The following GRID1 variants were observed in gnomAD, a reference collection of about 807,000 sequenced individuals.
GRID1 encodes the protein glutamate ionotropic receptor delta type subunit 1.
Under a neutral mutation model 98.0 loss-of-function variants are expected in GRID1, and 28 were observed. That is an observed-to-expected ratio of 0.29 (90% confidence interval 0.21 to 0.39). The LOEUF (loss-of-function observed/expected upper bound fraction) is 0.39. Among genes scored for constraint, GRID1 ranks in the 10% least tolerant of loss-of-function variants. The probability of loss-of-function intolerance (pLI) is 1.00; values close to 1 mark genes in which losing one functional copy is unlikely to be tolerated. For synonymous variants in GRID1, 553 were observed against 538.5 expected (o/e 1.03, Z -0.37); for missense variants, 1,111 against 1,340.5 (o/e 0.83, Z 2.67).
At chr10:86,015,060 T>C (rs1421746746) in intron 4 of GRID1, among the ~76,000 whole-genome samples, 2 of 152,246 alleles carry the variant, frequency 1.3e-5, no homozygotes, top group South Asian at 2.1e-4. Flanking sequence ...CCTCTCAACA[T>C]GTTACAGCTC....
At chr10:86,359,427 G>A (rs955360329) in intron 2 of GRID1, among the ~76,000 whole-genome samples, 1 of 152,144 alleles carries the variant, frequency 6.6e-6, no homozygotes, top group Non-Finnish European at 1.5e-5. Context: ...AGGAGGTAAC[G>A]GATATAAACT....
At chr10:86,348,374 G>C (rs1439472710) in intron 2 of GRID1, among the ~76,000 whole-genome samples, 1 of 152,244 alleles carries the variant, frequency 6.6e-6, no homozygotes, top group African/African-American at 2.4e-5. Flanking sequence ...GAGCGGCCAG[G>C]AAAGGCCTCC....
intron 2 of GRID1, among the ~76,000 whole-genome samples, chr10:86,342,837 T>G (rs1352645406): frequency 6.6e-6 from 1 of 152,262 alleles, no homozygotes; most frequent in Non-Finnish European, 1.5e-5. Context: ...GGCTGACCAT[T>G]GAAAGGTCTT....
At chr10:86,020,091 G>A (rs557605682) in intron 4 of GRID1, among the ~76,000 whole-genome samples, 137 of 152,322 alleles carry the variant, frequency 9.0e-4, no homozygotes, top group African/African-American at 3.0e-3. Flanking sequence ...CATGTCTCAG[G>A]TGTAATGTCA....
At chr10:86,264,644 C>G in intron 2 of GRID1, 1 of 463,088 alleles carries the variant, frequency 2.2e-6, no homozygotes, top group South Asian at 1.5e-5. Context: ...AGGTTGGGAG[C>G]GAAGTGGTGA....
chr10:86,202,209 C>T (rs930510087), intron 3 of GRID1, among the ~76,000 whole-genome samples: 1 of 152,252 alleles, frequency 6.6e-6, no homozygotes, highest in Admixed American at 6.5e-5. Flanking sequence ...GCCTAACTTC[C>T]AATGCCAGCC....
In GRID1 at chr10:85,613,730, T is replaced by C. The variant is rs970366941; in HGVS notation, c.2361-83A>G. On this transcript the variant is annotated intron_variant, in intron 14 of 15. Transcript: ENST00000327946. Reference sequence around the variant, plus strand: ...GGCCCTGGCCCCTGCCCCACCATGCTGGCCCCACCACAGACAACATTGAGC... The same window carrying C: ...GGCCCTGGCCCCTGCCCCACCATGCCGGCCCCACCACAGACAACATTGAGC... 4 of 1,506,778 alleles carry C rather than the reference T, an allele frequency of 2.7e-6. No individual in the cohort carries two copies. In the African/African-American group the frequency reaches 4.1e-5, roughly 16 times the overall value. 93.3% of individuals were successfully genotyped at this position (1,506,778 alleles called of 1,614,324 possible). A position where few individuals can be genotyped will look rare whatever the true frequency, so the allele number is the denominator to read the frequency against.
intron 12 of GRID1, among the ~76,000 whole-genome samples, chr10:85,665,763 C>T (rs747263673): frequency 2.0e-4 from 30 of 152,172 alleles, no homozygotes; most frequent in Non-Finnish European, 3.5e-4. Flanking sequence ...ACGCCTGCCA[C>T]CCCTGCAACC....
chr10:85,647,118 C>A lies in GRID1; in HGVS notation c.2193+84G>T, dbSNP rs537752879. 46 of 1,046,776 alleles carry A rather than the reference C, an allele frequency of 4.4e-5. No homozygotes were observed. In the South Asian group the frequency reaches 6.1e-4, roughly 14 times the overall value. 64.8% of individuals were successfully genotyped at this position (1,046,776 alleles called of 1,614,324 possible). A position where few individuals can be genotyped will look rare whatever the true frequency, so the allele number is the denominator to read the frequency against. ...TAACAGGGCTGCTCAGAGGCAGATGCCCCTGGAGGTGTCTCCCACCTGGGG... is the reference window on the plus strand; with the variant it reads ...TAACAGGGCTGCTCAGAGGCAGATGACCCTGGAGGTGTCTCCCACCTGGGG... On this transcript the variant is annotated intron_variant, in intron 13 of 15. Transcript: ENST00000327946.
At chr10:86,315,213 C>T (rs915745952) in intron 2 of GRID1, among the ~76,000 whole-genome samples, 1 of 152,182 alleles carries the variant, frequency 6.6e-6, no homozygotes, top group African/African-American at 2.4e-5. Flanking sequence ...AGCACATTGC[C>T]TTGTGGAGAC....
At chr10:86,263,648 G>GT (rs1194081615) in intron 2 of GRID1, among the ~76,000 whole-genome samples, 1 of 152,170 alleles carries the variant, frequency 6.6e-6, no homozygotes, top group East Asian at 1.9e-4. Flanking sequence ...TCTGATGCCT[G>GT]TTTCCCCACC....
intron 4 of GRID1, among the ~76,000 whole-genome samples, chr10:86,101,797 C>T (rs920496440): frequency 6.6e-6 from 1 of 152,196 alleles, no homozygotes; most frequent in East Asian, 1.9e-4. Flanking sequence ...TGCACTATGC[C>T]TGGCTTGGCT....
intron 8 of GRID1, among the ~76,000 whole-genome samples, chr10:85,740,682 T>C (rs1319878599): frequency 6.6e-6 from 1 of 152,124 alleles, no homozygotes; most frequent in African/African-American, 2.4e-5. Context: ...CATGATATCC[T>C]GACCATACCC....
rs141409779 is a variant in GRID1, at chr10:85,810,106, C to T, written c.1233+44390G>A. Reference sequence around the variant, plus strand: ...CCAGTAGCAACTTTGGGCCTCCAACCATGGGATTCCACCATCTTTCCACCC... The same window carrying T: ...CCAGTAGCAACTTTGGGCCTCCAACTATGGGATTCCACCATCTTTCCACCC... On this transcript the variant is annotated intron_variant, in intron 8 of 15. Coordinates refer to ENST00000327946, the MANE Select transcript of GRID1 (RefSeq NM_017551.3). Among the ~76,000 whole-genome samples the T allele has an allele frequency of 1.4e-3, 211 of 150,512 alleles. 1 individual carries two copies. The highest frequency in any genetic ancestry group is 4.8e-3 in the African/African-American group (196 of 40,498).
At chr10:85,926,586 C>T (rs1319801038) in intron 4 of GRID1, among the ~76,000 whole-genome samples, 1 of 152,126 alleles carries the variant, frequency 6.6e-6, no homozygotes, top group African/African-American at 2.4e-5. Flanking sequence ...GAAACAGAAT[C>T]AGAAACCAAA....
At position 86,198,678 on chromosome 10, in the gene GRID1, G is replaced by A. The variant is rs554441464; in HGVS notation, c.520+7686C>T. Among the ~76,000 whole-genome samples, 66 of 152,282 alleles carry A rather than the reference G, an allele frequency of 4.3e-4. No individual in the cohort carries two copies. In the Middle Eastern group the frequency reaches 0.01, roughly 24 times the overall value. ...CCCAATGTCACACAGATATGGCAGC[G>A]GAGCTGGGATTCAACAAGAAGACTG... On this transcript the variant is annotated intron_variant, in intron 3 of 15. Transcript: ENST00000327946.
intron 4 of GRID1, among the ~76,000 whole-genome samples, chr10:86,036,827 C>T (rs1198729736): frequency 6.6e-6 from 1 of 152,242 alleles, no homozygotes; most frequent in Non-Finnish European, 1.5e-5. Flanking sequence ...ACGGCTTCTG[C>T]AGCCTGGAGG....
intron 4 of GRID1, among the ~76,000 whole-genome samples, chr10:85,997,803 A>G (rs1564646061): frequency 6.6e-6 from 1 of 152,222 alleles, no homozygotes; most frequent in African/African-American, 2.4e-5. Context: ...CAAGCAAACC[A>G]ATTACATGTT....
chr10:86,118,308 T>C (rs1012834753), intron 4 of GRID1, among the ~76,000 whole-genome samples: 2 of 152,050 alleles, frequency 1.3e-5, no homozygotes, highest in African/African-American at 4.8e-5. Context: ...ATAAGAATCA[T>C]ATATTGGACT....
Sources: allele counts gnomAD v4.1 joint callset (sites outside exome capture counted in the v4.1 genomes callset), GRCh38; gene constraint gnomAD v4.1.1; transcripts MANE v1.5; gene names NCBI Gene and HGNC (gene_info 2026-07-23, HGNC 2026-07-21).